The following KIFC3 variants were observed in gnomAD, a reference collection of about 807,000 sequenced individuals.
KIFC3 encodes the protein kinesin family member C3.
In KIFC3, 60 loss-of-function variants were observed where a neutral mutation model predicts 101.8. That is an observed-to-expected ratio of 0.59 (90% CI 0.48 to 0.73). The LOEUF (loss-of-function observed/expected upper bound fraction) is 0.73. Ranked by LOEUF, KIFC3 falls within the 30% of genes least tolerant of loss-of-function variation. KIFC3 has a pLI of 0.00. For missense variants in KIFC3, 966 were observed against 1,137.1 expected (o/e 0.85, Z 2.16); for synonymous variants, 476 against 482.7 (o/e 0.99, Z 0.18).
At chr16:57,762,348 C>T (rs2049963474) in intron 12 of KIFC3, 78 bp from the exon 13 acceptor site, 2 of 1,364,574 alleles carry the variant, frequency 1.5e-6, no homozygotes, top group Admixed American at 2.7e-5. Flanking sequence ...CCCAAAGCCC[C>T]TTGACTACCC....
At chr16:57,797,737 A>G in intron 2 of KIFC3, 1 of 1,225,242 alleles carries the variant, frequency 8.2e-7, no homozygotes, top group Non-Finnish European at 1.0e-6. Flanking sequence ...GACCGGAGCT[A>G]GCCCACACGC....
intron 1 of KIFC3, 129 bp from the exon 2 acceptor site, chr16:57,798,411 C>A: frequency 2.5e-6 from 2 of 799,802 alleles, no homozygotes; most frequent in Middle Eastern, 3.4e-4. Flanking sequence ...GCAGCTCCAA[C>A]TGCACTGTCC....
At chr16:57,798,641 A>C (rs1450938071) in intron 1 of KIFC3, 1 of 341,102 alleles carries the variant, frequency 2.9e-6, no homozygotes, top group African/African-American at 2.2e-5. Context: ...CCGTAAGTCT[A>C]ATCCTTTTCC....
chr16:57,775,291 G>GT (rs1176322634), intron 3 of KIFC3: 2 of 1,240,554 alleles, frequency 1.6e-6, no homozygotes, highest in Non-Finnish European at 2.0e-6. Flanking sequence ...CAGACACTAG[G>GT]TCATCTCTGG....
chr16:57,759,085 A>G lies in KIFC3; in HGVS notation c.*24+40T>C, dbSNP rs1411644333. On this transcript the variant is annotated intron_variant, in intron 19 of 19. Transcript: ENST00000445690. ...CGCAGCCCTGCAACCCACTGCGGGC[A>G]GGCAGGCGGGCAGCCCTGGGCCACA... The G allele has an allele frequency of 6.5e-6, 10 of 1,548,390 alleles. No homozygotes were observed. In the East Asian group the frequency reaches 1.7e-4, roughly 26 times the overall value.
chr16:57,797,948 G>A (rs1239887579), intron 2 of KIFC3, 124 bp downstream of exon 2: 19 of 1,539,456 alleles, frequency 1.2e-5, no homozygotes, highest in East Asian at 7.4e-5. Context: ...CTGGGCTGTC[G>A]GTTACCCTGT....
chr16:57,859,541 T>C (rs4784866), intron 1 of KIFC3, among the ~76,000 whole-genome samples: 26,752 of 152,000 alleles, frequency 0.18, 2,692 homozygotes, highest in East Asian at 0.3. Context: ...AGCAGGGGGC[T>C]CATTCATTCC....
In KIFC3 at chr16:57,850,528, T is replaced by C. The variant is rs1479179249; in HGVS notation, c.108+12201A>G. ...ACTCACTCTTTTGCCCAGGCTGGAA[T>C]GAAGTGGCCCTATCTCAGCTCACTA... On this transcript the variant is annotated intron_variant, in intron 1 of 2. Coordinates refer to the KIFC3 transcript ENST00000563028. Among the ~76,000 whole-genome samples, 3 of 123,854 alleles carry C rather than the reference T, an allele frequency of 2.4e-5. No individual in the cohort carries two copies. In the East Asian group the frequency reaches 8.0e-4, roughly 33 times the overall value. The allele number at this position is 123,854 out of a possible 152,430, so 81.3% of individuals were successfully genotyped here.
At chr16:57,798,319 G>C (rs1555624216) in intron 1 of KIFC3, 37 bp from the exon 2 acceptor site, 1 of 1,518,882 alleles carries the variant, frequency 6.6e-7, no homozygotes, top group South Asian at 1.2e-5. Flanking sequence ...CTTGAAGACC[G>C]TGGACCAGCA....
At chr16:57,795,206 C>T in intron 2 of KIFC3, 65 bp from the exon 3 acceptor site, 4 of 1,570,244 alleles carry the variant, frequency 2.5e-6, no homozygotes, top group Non-Finnish European at 3.5e-6. Flanking sequence ...TAGCCATGGA[C>T]CACTGGCCAG....
chr16:57,781,252 C>T (rs1304292149), intron 3 of KIFC3, among the ~76,000 whole-genome samples: 1 of 152,120 alleles, frequency 6.6e-6, no homozygotes, highest in Non-Finnish European at 1.5e-5. Flanking sequence ...GAGGCAGGGG[C>T]TACAGTGAGC....
At position 57,758,677 on chromosome 16, in the gene KIFC3, C is replaced by T; in HGVS notation, c.*257G>A. 1 of 714,068 alleles carries T rather than the reference C, an allele frequency of 1.4e-6. No homozygotes were observed. The highest frequency in any genetic ancestry group is 1.5e-5 in the South Asian group (1 of 67,028). The allele number at this position is 714,068 out of a possible 1,614,324, so 44.2% of individuals were successfully genotyped here. A position where few individuals can be genotyped will look rare whatever the true frequency, so the allele number is the denominator to read the frequency against. ...GATGGCCCAGGCCTGCCAGGAAGAG[C>T]AGCCACCCCCGCCTTTCCGCCCATG... On this transcript the variant is annotated 3_prime_UTR_variant, in exon 20 of 20. Transcript: ENST00000445690.
Position 57,758,812 on chromosome 16 carries a change from C to G in KIFC3, c.*122G>C, listed in dbSNP as rs1555591797. 6.5e-7 allele frequency: 1 copy of G among 1,541,928 alleles called. No individual in the cohort carries two copies. The highest frequency in any genetic ancestry group is 8.9e-7 in the Non-Finnish European group (1 of 1,119,138). On this transcript the variant is annotated 3_prime_UTR_variant, in exon 20 of 20. Transcript: ENST00000445690. ...AGAGCCTCCACTCTCGCCTCTACCTCCGGGGGTCCTGGCGCTGCAGCAGGG... is the reference window on the plus strand; with the variant it reads ...AGAGCCTCCACTCTCGCCTCTACCTGCGGGGGTCCTGGCGCTGCAGCAGGG...
intron 3 of KIFC3, among the ~76,000 whole-genome samples, chr16:57,791,424 G>A (rs1212804588): frequency 6.6e-6 from 1 of 152,194 alleles, no homozygotes; most frequent in Non-Finnish European, 1.5e-5. Context: ...GGGGCCCTGG[G>A]GGGTTGGGAA....
chr16:57,812,727 T>C (rs1555628011), intron 1 of KIFC3, among the ~76,000 whole-genome samples: 1 of 152,158 alleles, frequency 6.6e-6, no homozygotes, highest in African/African-American at 2.4e-5. Flanking sequence ...AAACAAAGCC[T>C]GGACTGGAAA....
chr16:57,813,407 A>T (rs9936115), intron 1 of KIFC3, among the ~76,000 whole-genome samples: 4,339 of 152,184 alleles, frequency 0.029, 215 homozygotes, highest in African/African-American at 0.097. Flanking sequence ...AGGATCTTGG[A>T]GGCACAGTGT....
chr16:57,842,879 C>G (rs1180627781), intron 1 of KIFC3, among the ~76,000 whole-genome samples: 1 of 152,116 alleles, frequency 6.6e-6, no homozygotes, highest in Non-Finnish European at 1.5e-5. Flanking sequence ...TGCCTGCAAT[C>G]CCAGCACTTT....
intron 1 of KIFC3, among the ~76,000 whole-genome samples, chr16:57,808,786 T>A (rs1555627399): frequency 6.6e-6 from 1 of 152,168 alleles, no homozygotes; most frequent in African/African-American, 2.4e-5. Flanking sequence ...ACTGGCTCAG[T>A]CACTTCTGCT....
chr16:57,785,399 GTGA>G, intron 3 of KIFC3: 1 of 1,036,762 alleles, frequency 9.6e-7, no homozygotes, highest in Non-Finnish European at 1.2e-6. Context: ...AGGTGCCCAG[GTGA>G]TGTCCTCTGA....
Sources: allele counts gnomAD v4.1 joint callset (sites outside exome capture counted in the v4.1 genomes callset), GRCh38; gene constraint gnomAD v4.1.1; transcripts MANE v1.5; gene names NCBI Gene and HGNC (gene_info 2026-07-23, HGNC 2026-07-21).